Variants in CPQ observed in about 807,000 individuals in gnomAD.
CPQ encodes the protein Ser-Met dipeptidase.
A neutral mutation model predicts 45.7 loss-of-function variants in CPQ; 37 were observed. That is an observed-to-expected ratio of 0.81 (90% CI 0.62 to 1.07). The LOEUF (loss-of-function observed/expected upper bound fraction) is 1.07, where lower values mean the gene tolerates loss of function less well. CPQ is among the 50% of genes least tolerant of loss of function. The pLI, the probability that CPQ is intolerant of heterozygous loss-of-function variation, is 0.00. For missense variants in CPQ, 537 were observed against 572.9 expected, an observed-to-expected ratio of 0.94 and a Z score of 0.64; for synonymous variants, 186 against 205.8, an observed-to-expected ratio of 0.90 and a Z score of 0.82.
At chr8:96,707,372 A>G (rs1341871645) in intron 1 of CPQ, among the ~76,000 whole-genome samples, 1 of 152,164 alleles carries the variant, frequency 6.6e-6, no homozygotes, top group Non-Finnish European at 1.5e-5. Context: ...ACACTGGCCT[A>G]GTGCAAGTAT....
chr8:96,831,176 G>A (rs7827132), intron 2 of CPQ, among the ~76,000 whole-genome samples: 76,438 of 151,976 alleles, frequency 0.5, 20,850 homozygotes, highest in East Asian at 0.88. Flanking sequence ...CAGGGATGGG[G>A]TATTATACTT....
chr8:96,969,505 A>G (rs1267787767), intron 5 of CPQ, among the ~76,000 whole-genome samples: 1 of 152,250 alleles, frequency 6.6e-6, no homozygotes, highest in African/African-American at 2.4e-5. Flanking sequence ...ACAGACCAAC[A>G]TGGCTTGGCT....
chr8:97,111,437 GAA>G (rs1811496722), intron 7 of CPQ, among the ~76,000 whole-genome samples: 2 of 152,292 alleles, frequency 1.3e-5, no homozygotes, highest in East Asian at 3.9e-4. Context: ...TCTGAGAACA[GAA>G]GAGAGCTCCC....
intron 1 of CPQ, among the ~76,000 whole-genome samples, chr8:96,690,809 C>T (rs912641788): frequency 1.3e-5 from 2 of 152,284 alleles, no homozygotes; most frequent in East Asian, 3.9e-4. Context: ...GCCTAGAGTC[C>T]TTTCCTCACC....
intron 1 of CPQ, among the ~76,000 whole-genome samples, chr8:96,763,257 G>T (rs939070826): frequency 6.6e-6 from 1 of 152,124 alleles, no homozygotes; most frequent in Non-Finnish European, 1.5e-5. Context: ...AATTTGGGGG[G>T]TACATAACTG....
At chr8:96,969,196 G>C (rs1813621034) in intron 5 of CPQ, among the ~76,000 whole-genome samples, 2 of 152,168 alleles carry the variant, frequency 1.3e-5, no homozygotes, top group African/African-American at 4.8e-5. Context: ...GAATATATAA[G>C]AAACATTTTT....
chr8:96,755,154 A>T (rs1409194416), intron 1 of CPQ, among the ~76,000 whole-genome samples: 2 of 151,994 alleles, frequency 1.3e-5, no homozygotes, highest in Admixed American at 1.3e-4. Context: ...TTGATTTAAA[A>T]ATAGTTCTGT....
At chr8:96,705,015 T>G (rs1809514498) in intron 1 of CPQ, among the ~76,000 whole-genome samples, 1 of 152,118 alleles carries the variant, frequency 6.6e-6, no homozygotes, top group African/African-American at 2.4e-5. Flanking sequence ...GGGGAGAGTG[T>G]AGAGTAACAA....
intron 7 of CPQ, among the ~76,000 whole-genome samples, chr8:97,102,327 C>T (rs1811327422): frequency 6.6e-6 from 1 of 152,146 alleles, no homozygotes; most frequent in Admixed American, 6.6e-5. Context: ...CCCATCCAAC[C>T]ATCACTACTG....
At chr8:96,968,121 T>C (rs553586787) in intron 5 of CPQ, among the ~76,000 whole-genome samples, 1 of 152,338 alleles carries the variant, frequency 6.6e-6, no homozygotes, top group East Asian at 1.9e-4. Flanking sequence ...ATATTAGCTA[T>C]ACTAATGTAA....
chr8:96,839,187 C>T (rs1811572127), intron 3 of CPQ, among the ~76,000 whole-genome samples: 1 of 151,918 alleles, frequency 6.6e-6, no homozygotes, highest in Admixed American at 6.6e-5. Context: ...TTTGATTGGA[C>T]ACTTTGTGGT....
At chr8:96,949,122 A>C (rs545358971) in intron 4 of CPQ, among the ~76,000 whole-genome samples, 2 of 152,206 alleles carry the variant, frequency 1.3e-5, no homozygotes, top group East Asian at 1.9e-4. Flanking sequence ...ATTGGGAATT[A>C]ATTCATTAAA....
intron 2 of CPQ, among the ~76,000 whole-genome samples, chr8:96,801,894 A>G (rs374264824): frequency 1.2e-4 from 18 of 152,320 alleles, no homozygotes; most frequent in East Asian, 5.8e-4. Context: ...GTTATTGTGA[A>G]TGAATTGCAA....
At chr8:96,953,954 C>A (rs1404567737) in intron 4 of CPQ, among the ~76,000 whole-genome samples, 1 of 152,080 alleles carries the variant, frequency 6.6e-6, no homozygotes, top group African/African-American at 2.4e-5. Context: ...AATGATTCAT[C>A]TTATATTTTT....
intron 4 of CPQ, among the ~76,000 whole-genome samples, chr8:96,936,125 G>T (rs149918888): frequency 6.6e-6 from 1 of 152,098 alleles, no homozygotes; most frequent in Admixed American, 6.5e-5. Context: ...GGGTTTGTGT[G>T]TTAAGAATGA....
intron 4 of CPQ, among the ~76,000 whole-genome samples, chr8:96,926,492 A>C (rs1812876457): frequency 1.3e-5 from 2 of 151,664 alleles, no homozygotes. Context: ...GCGATGTACA[A>C]ATTCCTAGGA....
chr8:96,741,202 G>C (rs926813747), intron 1 of CPQ, among the ~76,000 whole-genome samples: 1 of 151,964 alleles, frequency 6.6e-6, no homozygotes, highest in Non-Finnish European at 1.5e-5. Context: ...TTTAGTCTTG[G>C]GAAGGTGTAT....
At chr8:96,788,227 C>G (rs570636080) in intron 2 of CPQ, among the ~76,000 whole-genome samples, 1 of 151,044 alleles carries the variant, frequency 6.6e-6, no homozygotes, top group African/African-American at 2.4e-5. Context: ...GGCACAATCT[C>G]AGCTCACTGC....
At chr8:96,915,485 T>A (rs1812721833) in intron 4 of CPQ, among the ~76,000 whole-genome samples, 1 of 152,202 alleles carries the variant, frequency 6.6e-6, no homozygotes, top group Non-Finnish European at 1.5e-5. Flanking sequence ...GAAAACATAC[T>A]ACCCACCCAT....
Sources: allele counts gnomAD v4.1 joint callset (sites outside exome capture counted in the v4.1 genomes callset), GRCh38; gene constraint gnomAD v4.1.1; transcripts MANE v1.5; gene names NCBI Gene and HGNC (gene_info 2026-07-23, HGNC 2026-07-21).